ITPK1: variants seen among roughly 807,000 people sequenced by gnomAD.
ITPK1 encodes the protein inositol 1,3,4-trisphosphate 5/6-kinase.
ITPK1 carries 21 observed loss-of-function variants against 45.3 expected under a neutral mutation model. The observed-to-expected ratio is 0.46, with a 90% CI of 0.33 to 0.67. The LOEUF (loss-of-function observed/expected upper bound fraction) is 0.67. Ranked by LOEUF, ITPK1 falls within the 30% of genes least tolerant of loss-of-function variation. The pLI is 0.02. For synonymous variants in ITPK1, 258 were observed against 253.6 expected, an observed-to-expected ratio of 1.02 and a Z score of -0.16; for missense variants, 474 against 573.5, an observed-to-expected ratio of 0.83 and a Z score of 1.77.
At position 93,028,894 on chromosome 14, in the gene ITPK1, CAG is replaced by C. The variant is rs1424784643; in HGVS notation, c.121-12095_121-12094del. 2.0e-5 allele frequency among the ~76,000 whole-genome samples: 3 copies of C among 152,214 alleles called. No homozygotes were observed. In the East Asian group the frequency reaches 5.8e-4, roughly 29 times the overall value. ...CGCAGTGGTGCCTACTCAGGGAGAA[CAG>C]AGACGCTCAAGCTGACTGAGCTTAC... On this transcript the variant is annotated intron_variant, in intron 3 of 10. Coordinates refer to ENST00000267615, the MANE Select transcript of ITPK1 (RefSeq NM_014216.6).
At chr14:93,094,779 G>A (rs1892000202) in intron 2 of ITPK1, among the ~76,000 whole-genome samples, 1 of 152,202 alleles carries the variant, frequency 6.6e-6, no homozygotes, top group Admixed American at 6.5e-5. Flanking sequence ...TCCTCCCACA[G>A]CCAGCCCACT....
rs375426974 is a variant in ITPK1, at chr14:92,958,296, T to C, written c.575A>G (p.Asn192Ser). The C allele has an allele frequency of 5.0e-6, 8 of 1,614,020 alleles. No individual in the cohort carries two copies. In the African/African-American group the frequency reaches 8.0e-5, roughly 16 times the overall value. ...QPPCVVQNFI[N>S]HNAVLYKVFV... is the part of the protein sequence containing the mutation. Reference sequence around the variant, plus strand: ...CACCTTGTACAGGACGGCGTTGTGGTTGATGAAATTCTGGACCACGCAGGG... The same window carrying C: ...CACCTTGTACAGGACGGCGTTGTGGCTGATGAAATTCTGGACCACGCAGGG... Residue 192 changes from asparagine to serine, a missense_variant, in exon 8 of 11, where the codon AAC becomes AGC. By Grantham distance (46) the Asn-to-Ser change is conservative. This residue lies in a region of ITPK1 where 367 missense variants were observed against 480.6 expected (regional missense o/e 0.76). Transcript: ENST00000267615. The surrounding 1 kb of genome is among the most constrained non-coding windows in gnomAD (Gnocchi z 4.4).
intron 5 of ITPK1, among the ~76,000 whole-genome samples, chr14:92,974,518 T>G (rs565927597): frequency 6.6e-6 from 1 of 152,148 alleles, no homozygotes; most frequent in Non-Finnish European, 1.5e-5. Flanking sequence ...CTCAAGGGCC[T>G]TGGGCAGGCC....
At chr14:93,068,049 A>G (rs1047356286) in intron 3 of ITPK1, 1 of 153,308 alleles carries the variant, frequency 6.5e-6, no homozygotes, top group Non-Finnish European at 1.5e-5. Context: ...GAAACAATGT[A>G]TCTTTCTCAA....
intron 3 of ITPK1, among the ~76,000 whole-genome samples, chr14:93,038,942 T>A (rs1889436547): frequency 6.6e-6 from 1 of 152,112 alleles, no homozygotes; most frequent in Admixed American, 6.5e-5. Flanking sequence ...TGCCAGAAAA[T>A]AAGATACTCT....
rs1203958474 is a variant in ITPK1, at chr14:93,063,457, T to C, written c.120+13138A>G. ...CTCCCCACAGCCCCACACAGCACAC[T>C]AAGCCCTGTCCCTGACCTCAGGCTA... On this transcript the variant is annotated intron_variant, in intron 3 of 10. Transcript: ENST00000267615. The surrounding 1 kb of genome is among the most constrained non-coding windows in gnomAD (Gnocchi z 4.3). Among the ~76,000 whole-genome samples the C allele has an allele frequency of 6.6e-6, 1 of 152,150 alleles. No individual in the cohort carries two copies.
At chr14:93,022,584 C>G (rs1331959558) in intron 3 of ITPK1, among the ~76,000 whole-genome samples, 3 of 151,612 alleles carry the variant, frequency 2.0e-5, no homozygotes, top group Non-Finnish European at 2.9e-5. Context: ...ATGATCTCCA[C>G]TCAGTGCAAC....
intron 2 of ITPK1, among the ~76,000 whole-genome samples, chr14:93,078,613 G>C (rs1231407726): frequency 6.6e-6 from 1 of 152,144 alleles, no homozygotes; most frequent in Non-Finnish European, 1.5e-5. Context: ...GGTTTCATGA[G>C]GGACAGGGGA....
chr14:93,051,453 T>C (rs768806177), intron 3 of ITPK1, among the ~76,000 whole-genome samples: 1 of 151,942 alleles, frequency 6.6e-6, no homozygotes, highest in Non-Finnish European at 1.5e-5. Context: ...CTGTCTCTCC[T>C]AAAAATACAA....
In ITPK1 at chr14:93,104,936, G is replaced by GA. The variant is rs1326916120; in HGVS notation, c.95+10132dup. 8.1e-4 allele frequency among the ~76,000 whole-genome samples: 124 copies of GA among 152,188 alleles called. 1 individual carries two copies. The highest frequency in any genetic ancestry group is 4.6e-4 in the Admixed American group (7 of 15,284). ...TGGGTTTGCAGCGTAAACTGCTGAG[G>GA]AAAACGCCACAAGTGTCTATCTGGC... On this transcript the variant is annotated intron_variant, in intron 2 of 10. Coordinates refer to ENST00000267615, the MANE Select transcript of ITPK1 (RefSeq NM_014216.6).
chr14:93,083,611 A>C (rs1248335973), intron 2 of ITPK1, among the ~76,000 whole-genome samples: 7 of 152,080 alleles, frequency 4.6e-5, no homozygotes, highest in African/African-American at 1.7e-4. Context: ...ACTGGGGAAA[A>C]AGCCCCAAGT....
At chr14:93,108,288 G>A (rs1892604533) in intron 2 of ITPK1, among the ~76,000 whole-genome samples, 1 of 152,234 alleles carries the variant, frequency 6.6e-6, no homozygotes, top group Non-Finnish European at 1.5e-5. Flanking sequence ...AAAGGGAAGT[G>A]CCATAGTATT....
intron 3 of ITPK1, among the ~76,000 whole-genome samples, chr14:93,028,666 C>CACTACGT (rs1888871058): frequency 6.6e-6 from 1 of 152,250 alleles, no homozygotes; most frequent in Admixed American, 6.5e-5. Flanking sequence ...GAGCAGGCCC[C>CACTACGT]CTGCAGGCAC....
chr14:92,962,442 C>A (rs759987080), intron 6 of ITPK1, 47 bp from the exon 7 acceptor site: 8 of 1,315,266 alleles, frequency 6.1e-6, no homozygotes, highest in South Asian at 2.4e-5. Flanking sequence ...TGAGGCCGTT[C>A]ACCCACAAGG....
At chr14:92,992,015 GATTT>G (rs1886814492) in intron 5 of ITPK1, among the ~76,000 whole-genome samples, 1 of 152,180 alleles carries the variant, frequency 6.6e-6, no homozygotes, top group African/African-American at 2.4e-5. Flanking sequence ...TCAAATGACT[GATTT>G]GTCCGAGACC....
At chr14:93,025,320 T>C (rs529485984) in intron 3 of ITPK1, among the ~76,000 whole-genome samples, 3 of 152,376 alleles carry the variant, frequency 2.0e-5, no homozygotes, top group South Asian at 4.1e-4. Context: ...CCCACGTTGC[T>C]GTCTTTCTAC....
intron 3 of ITPK1, among the ~76,000 whole-genome samples, chr14:93,062,292 A>ATCTT (rs1435429074): frequency 1.3e-5 from 2 of 151,682 alleles, no homozygotes; most frequent in African/African-American, 4.8e-5. Flanking sequence ...TGCATCAAAG[A>ATCTT]TGTTGGTGCA....
At chr14:93,114,415 G>A (rs1892861099) in intron 2 of ITPK1, among the ~76,000 whole-genome samples, 1 of 152,204 alleles carries the variant, frequency 6.6e-6, no homozygotes, top group Non-Finnish European at 1.5e-5. Context: ...CCCTAGCTGC[G>A]GGACCCCAAG....
chr14:92,951,914 T>TCAGGC, intron 9 of ITPK1, 32 bp downstream of exon 9: 1 of 1,548,390 alleles, frequency 6.5e-7, no homozygotes, highest in Non-Finnish European at 8.8e-7. Context: ...GAGGGCAGTT[T>TCAGGC]CAGGCCAGGC....
Sources: allele counts gnomAD v4.1 joint callset (sites outside exome capture counted in the v4.1 genomes callset), GRCh38; gene constraint gnomAD v4.1.1; regional missense constraint gnomAD v4.1.1; non-coding constraint Gnocchi (gnomAD v3.1); transcripts MANE v1.5; gene names NCBI Gene and HGNC (gene_info 2026-07-23, HGNC 2026-07-21).